Variants in EDF1 observed in about 807,000 individuals in gnomAD.
The protein encoded by EDF1 is endothelial differentiation-related factor 1.
EDF1 carries 5 observed loss-of-function variants against 20.8 expected under a neutral mutation model. That is an observed-to-expected ratio of 0.24 (90% CI 0.13 to 0.51). The LOEUF is 0.51. Among genes scored for constraint, EDF1 ranks in the 20% least tolerant of loss-of-function variants. The pLI, the probability that EDF1 is intolerant of heterozygous loss-of-function variation, is 0.97. For synonymous variants in EDF1, 96 were observed against 78.5 expected (o/e 1.22, Z -1.18); for missense variants, 137 against 197.8 (o/e 0.69, Z 1.84).
At position 136,863,253 on chromosome 9, in the gene EDF1, C is replaced by T. The variant is rs1849145122; in HGVS notation, c.291+35G>A. The T allele has an allele frequency of 6.3e-7, 1 of 1,596,250 alleles. No homozygotes were observed. Among genetic ancestry groups the T allele is most frequent in the East Asian group, 2.2e-5 (1 of 44,636 alleles). The stretch of plus-strand genomic sequence containing the variant: ...CCGGCCATCCCCCTCCCCAAACCCA[C>T]AACCCCAGGAGTGAGAGCCCCGGCG... On this transcript the variant is annotated intron_variant, in intron 3 of 4. Coordinates refer to ENST00000224073, the MANE Select transcript of EDF1 (RefSeq NM_003792.4). The surrounding 1 kb of genome is among the most constrained non-coding windows in gnomAD (Gnocchi z 4.5).
At chr9:136,865,521 T>G (rs1338066006) in intron 1 of EDF1, among the ~76,000 whole-genome samples, 1 of 151,218 alleles carries the variant, frequency 6.6e-6, no homozygotes, top group African/African-American at 2.4e-5. Flanking sequence ...CGTCACCCAG[T>G]CTCCCGCCCC....
rs982347516 is a variant in EDF1 at position 136,862,411 on chromosome 9, C to A, written c.386-66G>T. The stretch of plus-strand genomic sequence containing the variant: ...CCCTCCTCCCCCCAACGCTGCCCCT[C>A]TTCAACATCTTCCCAGGGAAGGGGG... On this transcript the variant is annotated intron_variant, in intron 4 of 4. Coordinates refer to ENST00000224073, the MANE Select transcript of EDF1 (RefSeq NM_003792.4). This position sits in a 1 kb window ranked among gnomAD's most constrained non-coding sequence, Gnocchi z 4.1. 6.2e-7 allele frequency: 1 copy of A among 1,613,938 alleles called. No individual in the cohort carries two copies. The highest frequency in any genetic ancestry group is 1.7e-5 in the Admixed American group (1 of 60,024).
intron 1 of EDF1, among the ~76,000 whole-genome samples, chr9:136,865,934 G>A (rs1849213832): frequency 6.8e-6 from 1 of 148,102 alleles, no homozygotes; most frequent in Non-Finnish European, 1.5e-5. Flanking sequence ...TGCCTCCTGG[G>A]TCCGTCCATC....
chr9:136,864,098 C>T (rs1412790747), intron 1 of EDF1, among the ~76,000 whole-genome samples: 1 of 151,972 alleles, frequency 6.6e-6, no homozygotes. Context: ...CTTGAGGCCA[C>T]GAGTTCGAGA....
Position 136,863,929 on chromosome 9 carries a change from A to C in EDF1, c.79-58T>G. ...TTAGCTTTGACAGTATCCAGCACAC[A>C]CCAATTCAGGCCTGCTGTTAGCCAG... On this transcript the variant is annotated intron_variant, in intron 1 of 4. Coordinates refer to ENST00000224073, the MANE Select transcript of EDF1 (RefSeq NM_003792.4). The surrounding 1 kb of genome is among the most constrained non-coding windows in gnomAD (Gnocchi z 4.5). 6.3e-7 allele frequency: 1 copy of C among 1,584,802 alleles called. No homozygotes were observed.
chr9:136,865,340 C>G (rs150009544), intron 1 of EDF1, among the ~76,000 whole-genome samples: 94 of 152,216 alleles, frequency 6.2e-4, no homozygotes, highest in Non-Finnish European at 1.1e-3. Flanking sequence ...CTCATGGGGT[C>G]CCCTGAAGCA....
Position 136,865,669 on chromosome 9 carries a change from G to A in EDF1, c.78+512C>T, listed in dbSNP as rs1027185437. 2.8e-5 allele frequency among the ~76,000 whole-genome samples: 4 copies of A among 142,744 alleles called. No individual in the cohort carries two copies. The Admixed American group carries it at 2.9e-4, about 10-fold the overall frequency. 93.6% of individuals were successfully genotyped at this position (142,744 alleles called of 152,430 possible). On this transcript the variant is annotated intron_variant, in intron 1 of 4. Transcript: ENST00000224073. ...ACCCCACTCTACCCTGTTCTTCCAAGCCCTGTCCCCATCTCCATCCCTGCC... is the reference window on the plus strand; with the variant it reads ...ACCCCACTCTACCCTGTTCTTCCAAACCCTGTCCCCATCTCCATCCCTGCC...
At position 136,862,457 on chromosome 9, in the gene EDF1, C is replaced by T; in HGVS notation, c.386-112G>A. 1 of 1,613,418 alleles carries T rather than the reference C, an allele frequency of 6.2e-7. No individual in the cohort carries two copies. The highest frequency in any genetic ancestry group is 8.5e-7 in the Non-Finnish European group (1 of 1,179,900). Reference sequence around the variant, plus strand: ...GGGGGGCCACGCCGCTCCCGTGCCTCACTGGGCTCTCAGCACACGAGCACT... The same window carrying T: ...GGGGGGCCACGCCGCTCCCGTGCCTTACTGGGCTCTCAGCACACGAGCACT... On this transcript the variant is annotated intron_variant, in intron 4 of 4. Coordinates refer to ENST00000224073, the MANE Select transcript of EDF1 (RefSeq NM_003792.4). This position sits in a 1 kb window ranked among gnomAD's most constrained non-coding sequence, Gnocchi z 4.1.
At chr9:136,865,118 A>C (rs970366024) in intron 1 of EDF1, among the ~76,000 whole-genome samples, 3 of 152,134 alleles carry the variant, frequency 2.0e-5, no homozygotes, top group Admixed American at 1.3e-4. Context: ...CTGTCACCAG[A>C]GCCCCAGCGC....
rs1223142212 is a variant in EDF1, at chr9:136,866,193, G to C, written c.66C>G (p.Ala22=). 2 of 1,600,804 alleles carry C rather than the reference G, an allele frequency of 1.2e-6. No individual in the cohort carries two copies. The highest frequency in any genetic ancestry group is 3.4e-5 in the Admixed American group (2 of 59,168). The change falls in exon 1 of 5, where the codon GCC becomes GCG. Residue 22 remains alanine, a synonymous_variant. Transcript: ENST00000224073. The part of the protein sequence containing the change: ...LRKKGPTAAQ[A]KSKQAILAAQ... ...GTCAGCAAAGCACCTGCTTGGATTT[G>C]GCCTGGGCGGCCGTAGGGCCCTTCT... is the stretch of plus-strand genomic sequence containing the variant.
Position 136,862,843 on chromosome 9 carries a change from C to A in EDF1, c.385+63G>T, listed in dbSNP as rs761340729. 2 of 1,611,674 alleles carry A rather than the reference C, an allele frequency of 1.2e-6. No individual in the cohort carries two copies. The highest frequency in any genetic ancestry group is 2.7e-5 in the African/African-American group (2 of 74,884). On this transcript the variant is annotated intron_variant, in intron 4 of 4. Transcript: ENST00000224073. This position sits in a 1 kb window ranked among gnomAD's most constrained non-coding sequence, Gnocchi z 4.1. ...TCCCCCGAGTCCCACTCTCACCAACCCCAGCTGGGAGCGGGTAGCCTCCCT... is the reference window on the plus strand; with the variant it reads ...TCCCCCGAGTCCCACTCTCACCAACACCAGCTGGGAGCGGGTAGCCTCCCT...
rs1849131079 is a variant in EDF1 at position 136,862,812 on chromosome 9, T to C, written c.385+94A>G. 17 of 1,610,482 alleles carry C rather than the reference T, an allele frequency of 1.1e-5. No individual in the cohort carries two copies. The highest frequency in any genetic ancestry group is 1.4e-5 in the Non-Finnish European group (17 of 1,179,500). ...AGAGAACAGGGGACCCCCAGGGCCA[T>C]CTTCTTCCCCCGAGTCCCACTCTCA... On this transcript the variant is annotated intron_variant, in intron 4 of 4. Transcript: ENST00000224073. The surrounding 1 kb of genome is among the most constrained non-coding windows in gnomAD (Gnocchi z 4.1).
At position 136,862,930 on chromosome 9, in the gene EDF1, G is replaced by C; in HGVS notation, c.361C>G (p.Leu121Val). ...SGRAIPNNQV[L>V]GKIERAIGLK... ...CCAATGGCCCGCTCGATTTTGCCAA[G>C]CACCTGGTTATTGGGTATGGCCCGT... is the stretch of plus-strand genomic sequence containing the variant. The change falls in exon 4 of 5, where the codon CTT (leucine) becomes GTT (valine). Residue 121 changes from leucine (L) to valine (V), a missense_variant. Coordinates refer to ENST00000224073, the MANE Select transcript of EDF1 (RefSeq NM_003792.4). This position sits in a 1 kb window ranked among gnomAD's most constrained non-coding sequence, Gnocchi z 4.1. 6.2e-7 allele frequency: 1 copy of C among 1,613,950 alleles called. No individual in the cohort carries two copies. Among genetic ancestry groups the C allele is most frequent in the Non-Finnish European group, 8.5e-7 (1 of 1,180,038 alleles).
chr9:136,863,824 C>T lies in EDF1; in HGVS notation c.126G>A (p.Lys42=). ...AGCGGAAACACAAGTACCTACATTT[C>T]TTGGAAGTCTCCACATCTTCTCCTC... ...QRRGEDVETS[K]KWAAGQNKQH... The change falls in exon 2 of 5, where the codon AAG becomes AAA. Residue 42 remains lysine, a synonymous_variant. Transcript: ENST00000224073. This position sits in a 1 kb window ranked among gnomAD's most constrained non-coding sequence, Gnocchi z 4.5. The T allele has an allele frequency of 6.2e-7, 1 of 1,613,986 alleles. No homozygotes were observed.
In EDF1 at chr9:136,862,823, C is replaced by T. The variant is rs746219875; in HGVS notation, c.385+83G>A. On this transcript the variant is annotated intron_variant, in intron 4 of 4. Coordinates refer to ENST00000224073, the MANE Select transcript of EDF1 (RefSeq NM_003792.4). This position sits in a 1 kb window ranked among gnomAD's most constrained non-coding sequence, Gnocchi z 4.1. ...GACCCCCAGGGCCATCTTCTTCCCC[C>T]GAGTCCCACTCTCACCAACCCCAGC... is the stretch of plus-strand genomic sequence containing the variant. 53 of 1,610,970 alleles carry T rather than the reference C, an allele frequency of 3.3e-5. No individual in the cohort carries two copies. The highest frequency in any genetic ancestry group is 4.4e-5 in the Non-Finnish European group (52 of 1,179,718).
At position 136,863,040 on chromosome 9, in the gene EDF1, G is replaced by A. The variant is rs1327270970; in HGVS notation, c.292-41C>T. 2.5e-6 allele frequency: 4 copies of A among 1,610,994 alleles called. No individual in the cohort carries two copies. Among genetic ancestry groups the A allele is most frequent in the Non-Finnish European group, 3.4e-6 (4 of 1,178,244 alleles). ...GCTTTATACACATCAGCTCCACTAG[G>A]ACTGCTGCAAAACCAGGCGCGAAGC... On this transcript the variant is annotated intron_variant, in intron 3 of 4. Transcript: ENST00000224073. The surrounding 1 kb of genome is among the most constrained non-coding windows in gnomAD (Gnocchi z 4.5).
Position 136,863,889 on chromosome 9 carries a change from A to T in EDF1, c.79-18T>A. 1 of 1,613,502 alleles carries T rather than the reference A, an allele frequency of 6.2e-7. No homozygotes were observed. Among genetic ancestry groups the T allele is most frequent in the Non-Finnish European group, 8.5e-7 (1 of 1,179,876 alleles). On this transcript the variant is annotated intron_variant, in intron 1 of 4. Coordinates refer to ENST00000224073, the MANE Select transcript of EDF1 (RefSeq NM_003792.4). This position sits in a 1 kb window ranked among gnomAD's most constrained non-coding sequence, Gnocchi z 4.5. ...AAGATAGCCTAGAAAATTAGAAAAC[A>T]TCAGTGGATCAAAATTAGCTTTGAC...
At position 136,862,879 on chromosome 9, in the gene EDF1, C is replaced by G. The variant is rs1162764174; in HGVS notation, c.385+27G>C. 1 of 1,612,660 alleles carries G rather than the reference C, an allele frequency of 6.2e-7. No homozygotes were observed. Among genetic ancestry groups the G allele is most frequent in the Non-Finnish European group, 8.5e-7 (1 of 1,179,998 alleles). On this transcript the variant is annotated intron_variant, in intron 4 of 4. Transcript: ENST00000224073. This position sits in a 1 kb window ranked among gnomAD's most constrained non-coding sequence, Gnocchi z 4.1. ...GCGGGTAGCCTCCCTGTTCAGCGGA[C>G]CCGGCGAAGGGTGGAGGGACACTCA...
intron 1 of EDF1, among the ~76,000 whole-genome samples, chr9:136,864,222 ACTG>A (rs2131248763): frequency 6.6e-6 from 1 of 152,262 alleles, no homozygotes; most frequent in African/African-American, 2.4e-5. Flanking sequence ...GTCACAGTTA[ACTG>A]CTAAGAGAAC....
Sources: gnomAD v4.1 joint callset for allele counts (sites outside exome capture counted in the v4.1 genomes callset) on GRCh38, gnomAD v4.1.1 for gene constraint, Gnocchi (gnomAD v3.1) non-coding constraint, MANE v1.5 for transcripts, NCBI Gene and HGNC (gene_info 2026-07-23, HGNC 2026-07-21) for gene names.